Variants in TSPAN18 observed in about 807,000 individuals in gnomAD.
The protein encoded by TSPAN18 is tetraspanin 18, also known as tetraspanin-18.
A neutral mutation model predicts 27.3 loss-of-function variants in TSPAN18; 14 were observed. The observed-to-expected ratio is 0.51, with a 90% CI of 0.34 to 0.80. TSPAN18 has a LOEUF of 0.80. Ranked by LOEUF, TSPAN18 falls within the 30% of genes least tolerant of loss-of-function variation. The pLI is 0.01. For synonymous variants in TSPAN18, 143 were observed against 136.5 expected (o/e 1.05, Z -0.33); for missense variants, 268 against 323.9 (o/e 0.83, Z 1.32).
chr11:44,800,627 G>A (rs1856459123), intron 2 of TSPAN18, among the ~76,000 whole-genome samples: 1 of 152,204 alleles, frequency 6.6e-6, no homozygotes, highest in Non-Finnish European at 1.5e-5. Context: ...CTCTGCCAGA[G>A]CCCCTTTCTG....
At position 44,820,956 on chromosome 11, in the gene TSPAN18, G is replaced by A. The variant is rs920805549; in HGVS notation, c.-152-39372G>A. ...AGAAGCCAGCCAGATGCTGTGCCATGCTTGTACAGCCTGTAGAACAATGAG... is the reference window on the plus strand; with the variant it reads ...AGAAGCCAGCCAGATGCTGTGCCATACTTGTACAGCCTGTAGAACAATGAG... On this transcript the variant is annotated intron_variant, in intron 2 of 9. Transcript: ENST00000520358. 2.3e-4 allele frequency among the ~76,000 whole-genome samples: 35 copies of A among 152,182 alleles called. 1 individual carries two copies. The highest frequency in any genetic ancestry group is 8.4e-4 in the African/African-American group (35 of 41,446).
chr11:44,789,067 C>A (rs904942793), intron 2 of TSPAN18, among the ~76,000 whole-genome samples: 1 of 152,210 alleles, frequency 6.6e-6, no homozygotes, highest in Non-Finnish European at 1.5e-5. Flanking sequence ...GGAAGACTTG[C>A]GGATTTTCCC....
intron 1 of TSPAN18, among the ~76,000 whole-genome samples, chr11:44,762,504 C>CT: frequency 6.6e-6 from 1 of 152,272 alleles, no homozygotes; most frequent in East Asian, 1.9e-4. Flanking sequence ...CAGTGGTTCT[C>CT]TCTGTTAAAC....
intron 4 of TSPAN18, among the ~76,000 whole-genome samples, chr11:44,908,798 A>AAGGAAGGAAGGAAG (rs1859581872): frequency 1.7e-5 from 2 of 116,624 alleles, no homozygotes; most frequent in African/African-American, 7.1e-5. Context: ...AAAGAAAGAA[A>AAGGAAGGAAGGAAG]GAAAGAAAGA....
intron 3 of TSPAN18, among the ~76,000 whole-genome samples, chr11:44,894,104 G>C (rs1455808756): frequency 6.6e-6 from 1 of 152,214 alleles, no homozygotes; most frequent in Non-Finnish European, 1.5e-5. Flanking sequence ...AGGAAGGAGG[G>C]AACGGGGTGT....
At chr11:44,731,432 A>T (rs1281804004) in intron 1 of TSPAN18, among the ~76,000 whole-genome samples, 1 of 152,182 alleles carries the variant, frequency 6.6e-6, no homozygotes, top group African/African-American at 2.4e-5. Flanking sequence ...TGTTGTGGAT[A>T]GTCTTTGAGA....
intron 1 of TSPAN18, among the ~76,000 whole-genome samples, chr11:44,756,278 C>T (rs1428263708): frequency 6.8e-6 from 1 of 146,572 alleles, no homozygotes; most frequent in African/African-American, 2.5e-5. Flanking sequence ...GGGGTGTAGC[C>T]CCCATCTGTT....
intron 2 of TSPAN18, among the ~76,000 whole-genome samples, chr11:44,789,770 G>A (rs1856147839): frequency 6.6e-6 from 1 of 152,110 alleles, no homozygotes; most frequent in Non-Finnish European, 1.5e-5. Flanking sequence ...ACTGTCAACA[G>A]GACACCACAA....
At chr11:44,796,259 A>G (rs957508969) in intron 2 of TSPAN18, among the ~76,000 whole-genome samples, 1 of 152,192 alleles carries the variant, frequency 6.6e-6, no homozygotes, top group African/African-American at 2.4e-5. Context: ...TTCACTGGCA[A>G]GCGACCTGAG....
intron 9 of TSPAN18, 135 bp from the exon 10 acceptor site, chr11:44,928,996 G>A: frequency 8.8e-7 from 1 of 1,130,630 alleles, no homozygotes. Flanking sequence ...GGCCCCAGGG[G>A]AATGTCAGGA....
intron 1 of TSPAN18, among the ~76,000 whole-genome samples, chr11:44,729,084 T>C (rs1053025855): frequency 2.0e-5 from 3 of 152,324 alleles, no homozygotes; most frequent in South Asian, 4.1e-4. Context: ...GTCTGCCACA[T>C]GTTTTTGTTG....
At chr11:44,869,301 G>T (rs996686291) in intron 3 of TSPAN18, among the ~76,000 whole-genome samples, 1 of 152,322 alleles carries the variant, frequency 6.6e-6, no homozygotes, top group East Asian at 1.9e-4. Context: ...TCATTCCCAT[G>T]CTGTGCAAAG....
intron 5 of TSPAN18, among the ~76,000 whole-genome samples, chr11:44,915,630 C>G (rs1859876782): frequency 6.6e-6 from 1 of 152,212 alleles, no homozygotes; most frequent in Non-Finnish European, 1.5e-5. Context: ...CCTGTGGAGA[C>G]AGACTCATGG....
chr11:44,803,935 C>T (rs1446424557), intron 2 of TSPAN18, among the ~76,000 whole-genome samples: 1 of 152,182 alleles, frequency 6.6e-6, no homozygotes, highest in Non-Finnish European at 1.5e-5. Context: ...AGTATTCTCT[C>T]AGCACTTGGA....
intron 2 of TSPAN18, among the ~76,000 whole-genome samples, chr11:44,793,502 A>C (rs1856277692): frequency 6.6e-6 from 1 of 152,138 alleles, no homozygotes; most frequent in Non-Finnish European, 1.5e-5. Flanking sequence ...TGAAGTCAGG[A>C]TGGTCGGTCA....
intron 3 of TSPAN18, among the ~76,000 whole-genome samples, chr11:44,865,974 T>A (rs1390267047): frequency 6.6e-6 from 1 of 152,226 alleles, no homozygotes; most frequent in Non-Finnish European, 1.5e-5. Flanking sequence ...AGTGCCAGCC[T>A]CACAAACAAT....
chr11:44,889,137 T>G (rs835766), intron 3 of TSPAN18, among the ~76,000 whole-genome samples: 151,387 of 152,326 alleles, frequency 0.99, 75,234 homozygotes, highest in Middle Eastern at 1. Flanking sequence ...CCCAGTTTCA[T>G]GTATTTCTTT....
Position 44,824,512 on chromosome 11 carries a change from C to G in TSPAN18, c.-152-35816C>G, listed in dbSNP as rs371458151. On this transcript the variant is annotated intron_variant, in intron 2 of 9. Coordinates refer to ENST00000520358, the MANE Select transcript of TSPAN18 (RefSeq NM_130783.5). ...GGGGCATTGGCCATTCTGCCCTAACCGAATACCTCTGGGGCAGTCAGGGCC... is the reference window on the plus strand; with the variant it reads ...GGGGCATTGGCCATTCTGCCCTAACGGAATACCTCTGGGGCAGTCAGGGCC... Among the ~76,000 whole-genome samples, 5 of 152,292 alleles carry G rather than the reference C, an allele frequency of 3.3e-5. No individual in the cohort carries two copies. In the South Asian group the frequency reaches 6.2e-4, roughly 19 times the overall value.
chr11:44,926,528 C>CTGT, intron 8 of TSPAN18, 146 bp from the exon 9 acceptor site: 1 of 733,026 alleles, frequency 1.4e-6, no homozygotes, highest in Non-Finnish European at 2.4e-6. Context: ...TGCCCTGCAC[C>CTGT]CCCTCCCCAC....
Sources: allele counts gnomAD v4.1 joint callset (sites outside exome capture counted in the v4.1 genomes callset), GRCh38; gene constraint gnomAD v4.1.1; transcripts MANE v1.5; gene names NCBI Gene and HGNC (gene_info 2026-07-23, HGNC 2026-07-21).